MOGAT2: variants seen among roughly 807,000 people sequenced by gnomAD.
MOGAT2 encodes the protein monoacylglycerol O-acyltransferase 2, also known as 2-acylglycerol O-acyltransferase 2.
MOGAT2 carries 27 observed loss-of-function variants against 31.5 expected under a neutral mutation model. The observed-to-expected ratio is 0.86, with a 90% CI of 0.63 to 1.18. MOGAT2 has a LOEUF of 1.18. Among genes scored for constraint, MOGAT2 ranks in the 50% most tolerant of loss-of-function variants. The probability of loss-of-function intolerance (pLI) is 0.00; values close to 1 mark genes in which losing one functional copy is unlikely to be tolerated. For missense variants in MOGAT2, 436 were observed against 433.2 expected, an observed-to-expected ratio of 1.01 and a Z score of -0.06; for synonymous variants, 163 against 170.0, an observed-to-expected ratio of 0.96 and a Z score of 0.32.
Position 75,720,128 on chromosome 11 carries a change from C to T in MOGAT2, c.228C>T (p.Cys76=), listed in dbSNP as rs147262505. 2.5e-6 allele frequency: 4 copies of T among 1,614,018 alleles called. No homozygotes were observed. The African/African-American group carries it at 4.0e-5, about 16-fold the overall frequency. Residue 76 remains cysteine (C), a synonymous_variant, in exon 2 of 6, where the codon TGC becomes TGT. Coordinates refer to ENST00000198801, the MANE Select transcript of MOGAT2 (RefSeq NM_025098.4). The part of the protein sequence containing the change: ...QGGRHIQAIR[C]WTIWKYMKDY... ...GCCGGCACATCCAGGCCATCAGGTG[C>T]TGGACTATATGGAAGTACATGAAGG...
chr11:75,722,209 C>T (rs539213239), intron 2 of MOGAT2, among the ~76,000 whole-genome samples: 20 of 152,316 alleles, frequency 1.3e-4, no homozygotes, highest in South Asian at 1.2e-3. Context: ...CAGTCATGGA[C>T]GTGTCAGAGG....
Position 75,728,147 on chromosome 11 carries a change from A to G in MOGAT2, c.650+3A>G. ...GTCAGGCTCGCCCTGACACACGGGT[A>G]TCAAGCCTCTGGGAAGAGCACTCTG... On this transcript the variant is annotated splice_donor_region_variant and intron_variant, in intron 4 of 5. Transcript: ENST00000198801. 1 of 1,612,336 alleles carries G rather than the reference A, an allele frequency of 6.2e-7. No homozygotes were observed. The highest frequency in any genetic ancestry group is 8.5e-7 in the Non-Finnish European group (1 of 1,179,176).
chr11:75,724,220 T>C (rs1944400134), intron 2 of MOGAT2, among the ~76,000 whole-genome samples: 1 of 152,208 alleles, frequency 6.6e-6, no homozygotes. Context: ...GCCTCATCCA[T>C]TGGGCTCATT....
intron 2 of MOGAT2, among the ~76,000 whole-genome samples, chr11:75,722,718 G>T (rs1484892865): frequency 6.6e-6 from 1 of 152,244 alleles, no homozygotes; most frequent in Non-Finnish European, 1.5e-5. Context: ...TCTTCAGCCA[G>T]CCCAATGGCC....
rs201582209 is a variant in MOGAT2, at chr11:75,720,062, G to A, written c.162G>A (p.Ala54=). The change falls in exon 2 of 6, where the codon GCG becomes GCA. Residue 54 remains alanine, a synonymous_variant. Transcript: ENST00000198801. ...TRFWLLTVLY[A]AWWYLDRDKP... is the part of the protein sequence containing the mutation. ...TCTGGCTCCTCACTGTCCTGTATGC[G>A]GCCTGGTGGTATCTGGACCGAGACA... is the stretch of plus-strand genomic sequence containing the variant. 125 of 1,614,176 alleles carry A rather than the reference G, an allele frequency of 7.7e-5. 1 individual carries two copies. Among genetic ancestry groups the A allele is most frequent in the East Asian group, 4.9e-4 (22 of 44,890 alleles).
intron 5 of MOGAT2, 137 bp from the exon 6 acceptor site, chr11:75,730,995 C>T (rs2135738762): frequency 1.7e-6 from 1 of 571,572 alleles, no homozygotes; most frequent in Non-Finnish European, 2.9e-6. Flanking sequence ...TGGAGTTGCC[C>T]TAATATCTTA....
rs34643721 is a variant in MOGAT2 at position 75,717,926 on chromosome 11, G to A, written c.38G>A (p.Arg13His). 7.7e-4 allele frequency: 1,246 copies of A among 1,614,170 alleles called. 7 individuals are homozygous for A. In the African/African-American group the frequency reaches 0.014, roughly 18 times the overall value. ...EFAPLFMPWE[R>H]RLQTLAVLQF... is the part of the protein sequence containing the mutation. ...GCGCCCTTGTTTATGCCGTGGGAGC[G>A]CAGGCTGCAGACACTTGCTGTCCTA... The change falls in exon 1 of 6, where the codon CGC becomes CAC. Residue 13 changes from arginine to histidine, a missense_variant. Transcript: ENST00000198801.
intron 2 of MOGAT2, among the ~76,000 whole-genome samples, chr11:75,726,921 C>T (rs1010353289): frequency 3.3e-5 from 5 of 152,080 alleles, no homozygotes; most frequent in African/African-American, 1.2e-4. Context: ...AACTCCTGAC[C>T]TCAGGTCACC....
At position 75,732,492 on chromosome 11, in the gene MOGAT2, G is replaced by A. The variant is rs59187373; in HGVS notation, c.*1206G>A. Reference sequence around the variant, plus strand: ...ACGGAACATGTCCACTTCCAGGCCCGAGCTTCTCAGCCTGCCGTTTGCCAC... The same window carrying A: ...ACGGAACATGTCCACTTCCAGGCCCAAGCTTCTCAGCCTGCCGTTTGCCAC... On this transcript the variant is annotated 3_prime_UTR_variant, in exon 6 of 6. Coordinates refer to ENST00000198801, the MANE Select transcript of MOGAT2 (RefSeq NM_025098.4). 3,715 of 152,308 alleles carry A rather than the reference G, an allele frequency of 0.024. 145 individuals are homozygous for A. Among genetic ancestry groups the A allele is most frequent in the African/African-American group, 0.085 (3,532 of 41,518 alleles). The allele number at this position is 152,308 out of a possible 1,614,324, so 9.4% of individuals were successfully genotyped here.
intron 2 of MOGAT2, among the ~76,000 whole-genome samples, chr11:75,724,359 G>C (rs1197873010): frequency 6.6e-6 from 1 of 152,176 alleles, no homozygotes; most frequent in Non-Finnish European, 1.5e-5. Context: ...TTGGGTCCAG[G>C]GGACAGATGG....
chr11:75,722,278 C>A lies in MOGAT2; in HGVS notation c.270+2108C>A, dbSNP rs184946547. 4.9e-3 allele frequency among the ~76,000 whole-genome samples: 743 copies of A among 152,316 alleles called. 10 individuals carry two copies. Among genetic ancestry groups the A allele is most frequent in the African/African-American group, 0.017 (707 of 41,560 alleles). ...CTTTGAGATTCACCTCCCTTTCCTG[C>A]CTCTCCTCTCTCCAGCCTGGGCTTC... On this transcript the variant is annotated intron_variant, in intron 2 of 5. Transcript: ENST00000198801.
chr11:75,725,604 A>G (rs184001434), intron 2 of MOGAT2, among the ~76,000 whole-genome samples: 1 of 151,792 alleles, frequency 6.6e-6, no homozygotes, highest in Non-Finnish European at 1.5e-5. Context: ...GTCCGGGTCA[A>G]GGACAGGAGA....
Position 75,717,940 on chromosome 11 carries a change from C to G in MOGAT2, c.52C>G (p.Leu18Val). The change falls in exon 1 of 6, where the codon CTT (leucine) becomes GTT (valine). Residue 18 changes from leucine (L) to valine (V), a missense_variant. Transcript: ENST00000198801. The part of the protein sequence containing the change: ...FMPWERRLQT[L>V]AVLQFVFSFL... Reference sequence around the variant, plus strand: ...GCCGTGGGAGCGCAGGCTGCAGACACTTGCTGTCCTACAGTTTGTCTTCTC... The same window carrying G: ...GCCGTGGGAGCGCAGGCTGCAGACAGTTGCTGTCCTACAGTTTGTCTTCTC... The G allele has an allele frequency of 6.2e-7, 1 of 1,614,268 alleles. No individual in the cohort carries two copies. Among genetic ancestry groups the G allele is most frequent in the Non-Finnish European group, 8.5e-7 (1 of 1,180,052 alleles).
chr11:75,731,674 A>G lies in MOGAT2; in HGVS notation c.*388A>G, dbSNP rs966464397. 1 of 165,736 alleles carries G rather than the reference A, an allele frequency of 6.0e-6. No homozygotes were observed. Among genetic ancestry groups the G allele is most frequent in the African/African-American group, 2.4e-5 (1 of 41,720 alleles). 10.3% of individuals were successfully genotyped at this position (165,736 alleles called of 1,614,324 possible). ...ATTCTGTTGGTCGAAGCAAGTCACA[A>G]CCCAGCAGATTCAAGGAGTAAGGAA... On this transcript the variant is annotated 3_prime_UTR_variant, in exon 6 of 6. Transcript: ENST00000198801.
chr11:75,728,266 A>G, intron 4 of MOGAT2, 122 bp downstream of exon 4: 1 of 1,197,274 alleles, frequency 8.4e-7, no homozygotes, highest in Non-Finnish European at 1.2e-6. Flanking sequence ...CAGTCCATTC[A>G]CAATTAAGAT....
At chr11:75,718,969 T>TCC (rs1454895624) in intron 1 of MOGAT2, among the ~76,000 whole-genome samples, 1 of 149,282 alleles carries the variant, frequency 6.7e-6, no homozygotes, top group Non-Finnish European at 1.5e-5. Flanking sequence ...TCTCTCTTTC[T>TCC]CTCTCTCTCT....
At chr11:75,729,232 A>C (rs531519365) in intron 5 of MOGAT2, among the ~76,000 whole-genome samples, 1 of 152,236 alleles carries the variant, frequency 6.6e-6, no homozygotes, top group Non-Finnish European at 1.5e-5. Flanking sequence ...CAGGCACTAC[A>C]CTAGCTGCCC....
rs1438505301 is a variant in MOGAT2 at position 75,727,423 on chromosome 11, C to G, written c.271-12C>G. 1.2e-6 allele frequency: 2 copies of G among 1,609,434 alleles called. No homozygotes were observed. ...GGCCCCGCCCTGGCTCAGCAGGTTGCCGTCCCTGCAGCTGGTCAAGACTGC... is the reference window on the plus strand; with the variant it reads ...GGCCCCGCCCTGGCTCAGCAGGTTGGCGTCCCTGCAGCTGGTCAAGACTGC... On this transcript the variant is annotated splice_polypyrimidine_tract_variant and intron_variant, in intron 2 of 5. Transcript: ENST00000198801.
At chr11:75,724,520 T>C (rs572341253) in intron 2 of MOGAT2, among the ~76,000 whole-genome samples, 45 of 152,064 alleles carry the variant, frequency 3.0e-4, no homozygotes, top group African/African-American at 1.1e-3. Context: ...GTATCCAAGT[T>C]CATGCTCGGT....
Sources: allele counts gnomAD v4.1 joint callset (sites outside exome capture counted in the v4.1 genomes callset), GRCh38; gene constraint gnomAD v4.1.1; transcripts MANE v1.5; gene names NCBI Gene and HGNC (gene_info 2026-07-23, HGNC 2026-07-21).